ODAD2: variants seen among roughly 807,000 people sequenced by gnomAD.
The protein encoded by ODAD2 is outer dynein arm-docking complex subunit 2.
A neutral mutation model predicts 106.8 loss-of-function variants in ODAD2; 89 were observed. That is an observed-to-expected ratio of 0.83 (90% confidence interval 0.70 to 0.99). ODAD2 has a LOEUF of 0.99. Ranked by LOEUF, ODAD2 falls within the 50% of genes least tolerant of loss-of-function variation. The pLI is 0.00. For missense variants in ODAD2, 1,168 were observed against 1,238.5 expected, an observed-to-expected ratio of 0.94 and a Z score of 0.85; for synonymous variants, 404 against 436.2, an observed-to-expected ratio of 0.93 and a Z score of 0.92.
chr10:27,918,624 C>T (rs1172852028), intron 16 of ODAD2, among the ~76,000 whole-genome samples: 1 of 151,762 alleles, frequency 6.6e-6, no homozygotes, highest in Non-Finnish European at 1.5e-5. Context: ...ATGCTTTCTC[C>T]CCAAGATTAG....
At chr10:27,897,371 T>C (rs1589956443) in intron 17 of ODAD2, among the ~76,000 whole-genome samples, 1 of 152,168 alleles carries the variant, frequency 6.6e-6, no homozygotes, top group East Asian at 1.9e-4. Context: ...GGCAACTCCA[T>C]CATCTTTTCC....
intron 2 of ODAD2, among the ~76,000 whole-genome samples, chr10:27,992,304 G>A (rs1850282136): frequency 6.6e-6 from 1 of 152,164 alleles, no homozygotes; most frequent in South Asian, 2.1e-4. Flanking sequence ...AGGAAAAGTT[G>A]TATAGTAAAT....
intron 7 of ODAD2, among the ~76,000 whole-genome samples, chr10:27,975,477 G>A (rs1292569135): frequency 6.6e-6 from 1 of 152,044 alleles, no homozygotes; most frequent in East Asian, 1.9e-4. Flanking sequence ...ATATTAAAAG[G>A]TCAATAAGAG....
At chr10:27,863,331 G>C (rs1287905829) in intron 17 of ODAD2, among the ~76,000 whole-genome samples, 1 of 152,062 alleles carries the variant, frequency 6.6e-6, no homozygotes, top group Non-Finnish European at 1.5e-5. Context: ...AAAAATTATG[G>C]CACTAAATGG....
At chr10:27,866,602 T>C (rs1840455445) in intron 17 of ODAD2, among the ~76,000 whole-genome samples, 3 of 152,144 alleles carry the variant, frequency 2.0e-5, no homozygotes, top group Non-Finnish European at 4.4e-5. Flanking sequence ...ACAAGAAACA[T>C]GGTGCCAGCA....
In ODAD2 at chr10:27,928,912, T is replaced by G. The variant is rs137868735; in HGVS notation, c.2495+6098A>C. The stretch of plus-strand genomic sequence containing the variant: ...TAGGTACCATACTATCCCCATTTTA[T>G]GTATATGGTGACCAAGACACTGAGT... On this transcript the variant is annotated intron_variant, in intron 16 of 19. Transcript: ENST00000305242. 3.9e-3 allele frequency among the ~76,000 whole-genome samples: 592 copies of G among 152,276 alleles called. 3 individuals carry two copies. Among genetic ancestry groups the G allele is most frequent in the African/African-American group, 0.014 (576 of 41,574 alleles).
At position 27,952,074 on chromosome 10, in the gene ODAD2, C is replaced by CAAAAAAAAAAAAAAAAAAAAA. The variant is rs71388944; in HGVS notation, c.1387-7113_1387-7112insTTTTTTTTTTTTTTTTTTTTT. On this transcript the variant is annotated intron_variant, in intron 10 of 19. Coordinates refer to ENST00000305242, the MANE Select transcript of ODAD2 (RefSeq NM_018076.5). ...TGGGCAACAGACTGAGATGCCAACTCAAAAAAAAAAAAAAAAAAGACACAC... is the reference window on the plus strand; with the variant it reads ...TGGGCAACAGACTGAGATGCCAACTCAAAAAAAAAAAAAAAAAAAAAAAAAAAAAAAAAAAAAAAGACACAC... Among the ~76,000 whole-genome samples, 120 of 43,828 alleles carry CAAAAAAAAAAAAAAAAAAAAA rather than the reference C, an allele frequency of 2.7e-3. 3 individuals carry two copies. The highest frequency in any genetic ancestry group is 0.062 in the Middle Eastern group (2 of 32). The allele number at this position is 43,828 out of a possible 152,430, so 28.8% of individuals were successfully genotyped here. A position where few individuals can be genotyped will look rare whatever the true frequency, so the allele number is the denominator to read the frequency against.
At chr10:27,812,663 T>A in intron 19 of ODAD2, 38 bp from the exon 20 acceptor site, 2 of 1,535,100 alleles carry the variant, frequency 1.3e-6, no homozygotes, top group Non-Finnish European at 1.7e-6. Context: ...GACACAAGAA[T>A]AAAAACATTA....
At chr10:27,819,258 C>A (rs532863685) in intron 19 of ODAD2, among the ~76,000 whole-genome samples, 1 of 151,966 alleles carries the variant, frequency 6.6e-6, no homozygotes, top group South Asian at 2.1e-4. Context: ...CAGAAAAGAG[C>A]AACAGAAATA....
chr10:27,977,603 A>G (rs1849278857), intron 7 of ODAD2, among the ~76,000 whole-genome samples: 1 of 152,018 alleles, frequency 6.6e-6, no homozygotes, highest in South Asian at 2.1e-4. Flanking sequence ...AAAGAAAAAT[A>G]CAAGACCCAG....
At chr10:27,837,975 T>C (rs1304624186) in intron 19 of ODAD2, among the ~76,000 whole-genome samples, 1 of 152,184 alleles carries the variant, frequency 6.6e-6, no homozygotes, top group African/African-American at 2.4e-5. Context: ...CCCACGGCGA[T>C]GGATTGGGAA....
intron 16 of ODAD2, among the ~76,000 whole-genome samples, chr10:27,924,241 T>A (rs555860327): frequency 6.6e-6 from 1 of 150,816 alleles, no homozygotes; most frequent in Admixed American, 6.6e-5. Flanking sequence ...TCTGTGTAGT[T>A]AAAAAAAATT....
chr10:27,952,745 C>A (rs538599598), intron 10 of ODAD2, among the ~76,000 whole-genome samples: 19 of 152,286 alleles, frequency 1.2e-4, no homozygotes, highest in African/African-American at 4.1e-4. Context: ...TTTGCTCCAT[C>A]GTTTAACAGC....
chr10:27,987,245 G>A, intron 3 of ODAD2, 141 bp downstream of exon 3: 1 of 670,946 alleles, frequency 1.5e-6, no homozygotes, highest in South Asian at 3.0e-5. Flanking sequence ...TTTTCATGAA[G>A]TTGTACATTT....
In ODAD2 at chr10:27,832,373, A is replaced by G. The variant is rs554370501; in HGVS notation, c.3022-19748T>C. 1.1e-4 allele frequency among the ~76,000 whole-genome samples: 16 copies of G among 152,238 alleles called. No homozygotes were observed. In the East Asian group the frequency reaches 2.7e-3, roughly 26 times the overall value. ...CTTTCAAATACCTTTAGCTTCTTCA[A>G]TAAGATTATTCCTAGTGCCAACCCT... is the stretch of plus-strand genomic sequence containing the variant. On this transcript the variant is annotated intron_variant, in intron 19 of 19. Transcript: ENST00000305242.
chr10:27,834,786 C>T (rs1252495793), intron 19 of ODAD2, among the ~76,000 whole-genome samples: 3 of 152,172 alleles, frequency 2.0e-5, no homozygotes, highest in Non-Finnish European at 4.4e-5. Flanking sequence ...GTGATTCTCT[C>T]TTTTAATTCT....
In ODAD2 at chr10:27,949,311, C is replaced by T. The variant is rs77192423; in HGVS notation, c.1387-4349G>A. 6.2e-3 allele frequency among the ~76,000 whole-genome samples: 950 copies of T among 152,216 alleles called. 9 individuals carry two copies. Among genetic ancestry groups the T allele is most frequent in the African/African-American group, 0.022 (904 of 41,528 alleles). Reference sequence around the variant, plus strand: ...TGTAGTGGAGGAAAAAGGTTTTTAACTTTTTTAAGCTCACCCAAATAAACA... The same window carrying T: ...TGTAGTGGAGGAAAAAGGTTTTTAATTTTTTTAAGCTCACCCAAATAAACA... On this transcript the variant is annotated intron_variant, in intron 10 of 19. Coordinates refer to ENST00000305242, the MANE Select transcript of ODAD2 (RefSeq NM_018076.5).
chr10:27,870,983 T>C (rs769544116), intron 17 of ODAD2, among the ~76,000 whole-genome samples: 11 of 152,180 alleles, frequency 7.2e-5, no homozygotes, highest in Admixed American at 2.0e-4. Context: ...AGTGTGAAAG[T>C]GTTCCTATTT....
At chr10:27,836,127 T>C (rs1399261373) in intron 19 of ODAD2, 1 of 152,710 alleles carries the variant, frequency 6.5e-6, no homozygotes, top group East Asian at 1.9e-4. Flanking sequence ...ATTGGATCCA[T>C]GCACTTCAAA....
Sources: allele counts gnomAD v4.1 joint callset (sites outside exome capture counted in the v4.1 genomes callset), GRCh38; gene constraint gnomAD v4.1.1; transcripts MANE v1.5; gene names NCBI Gene and HGNC (gene_info 2026-07-23, HGNC 2026-07-21).